The following MATR3 variants were observed in gnomAD, a reference collection of about 807,000 sequenced individuals.
MATR3 encodes the protein matrin 3, also known as matrin-3.
A neutral mutation model predicts 85.5 loss-of-function variants in MATR3; 4 were observed. The ratio of observed to expected loss-of-function variants is 0.05; its 90% CI spans 0.02 to 0.11. The LOEUF (loss-of-function observed/expected upper bound fraction) is 0.11. MATR3 is among the 10% of genes least tolerant of loss of function. The probability of loss-of-function intolerance (pLI) is 1.00; values close to 1 mark genes in which losing one functional copy is unlikely to be tolerated. For missense variants in MATR3, 685 were observed against 1,016.1 expected (o/e 0.67, Z 4.43); for synonymous variants, 336 against 343.1 (o/e 0.98, Z 0.23).
intron 1 of MATR3, chr5:139,294,965 C>G (rs911608485): frequency 7.2e-5 from 11 of 152,146 alleles, no homozygotes; most frequent in Non-Finnish European, 1.3e-4. Flanking sequence ...TTCGGGCGCG[C>G]TGGAATAATG....
chr5:139,306,259 A>G (rs186394478), intron 1 of MATR3, among the ~76,000 whole-genome samples: 5 of 152,348 alleles, frequency 3.3e-5, no homozygotes, highest in African/African-American at 1.2e-4. Context: ...AATTTCATCT[A>G]GAAACACGTC....
intron 3 of MATR3, among the ~76,000 whole-genome samples, chr5:139,282,115 C>T (rs140581552): frequency 8.5e-5 from 13 of 152,238 alleles, no homozygotes; most frequent in Admixed American, 3.9e-4. Context: ...AGGAAAACAC[C>T]GTGCTAAGAG....
intron 2 of MATR3, among the ~76,000 whole-genome samples, chr5:139,308,844 A>G (rs763005271): frequency 6.6e-6 from 1 of 152,130 alleles, no homozygotes. Flanking sequence ...ATTTTAGATT[A>G]GTTCATTCTT....
chr5:139,315,041 C>T (rs1755171069), intron 3 of MATR3: 1 of 293,306 alleles, frequency 3.4e-6, no homozygotes, highest in Admixed American at 4.5e-5. Flanking sequence ...GTGGATTAAA[C>T]AGTAGCATTT....
chr5:139,317,866 G>A (rs1027154117), intron 7 of MATR3, 145 bp downstream of exon 7: 5 of 720,440 alleles, frequency 6.9e-6, no homozygotes, highest in Non-Finnish European at 1.1e-5. Context: ...GAAAAGGCCA[G>A]TAGTTGATGA....
chr5:139,294,390 GTTTC>G (rs1359994000), intron 1 of MATR3: 1 of 202,464 alleles, frequency 4.9e-6, no homozygotes, highest in Non-Finnish European at 9.9e-6. Flanking sequence ...TTTGAGCAGC[GTTTC>G]TTTCTTTTCC....
upstream of MATR3, among the ~76,000 whole-genome samples, chr5:139,291,197 G>A (rs1753859798): frequency 6.6e-6 from 1 of 152,192 alleles, no homozygotes; most frequent in Admixed American, 6.5e-5. Flanking sequence ...TGATCCCTCT[G>A]CCTGGGGATG....
intron 9 of MATR3, 158 bp from the exon 10 acceptor site, chr5:139,321,740 G>A (rs940362761): frequency 1.3e-5 from 9 of 715,830 alleles, no homozygotes; most frequent in African/African-American, 7.2e-5. Context: ...CCAGGATTGC[G>A]CCACTGCATT....
In MATR3 at chr5:139,307,783, A is replaced by G. The variant is rs1754785235; in HGVS notation, c.368A>G (p.Asp123Gly). ...TTTGGTCTGTCTGCTAGAGACTTAG[A>G]TGAACTGAGTCGTTATCCAGAGGAC... ...ASFGLSARDL[D>G]ELSRYPEDKI... Residue 123 changes from aspartate (D) to glycine (G), a missense_variant, in exon 2 of 15, where the codon GAT becomes GGT. Asp to Gly is a moderately conservative substitution (Grantham distance 94). Around this residue, in one of 9 missense-constraint regions of MATR3, gnomAD observed 3 missense variants for 21.1 expected, o/e 0.14. Transcript: ENST00000394805. The surrounding 1 kb of genome is among the most constrained non-coding windows in gnomAD (Gnocchi z 4.4). 1.9e-6 allele frequency: 3 copies of G among 1,614,034 alleles called. No individual in the cohort carries two copies. Among genetic ancestry groups the G allele is most frequent in the African/African-American group, 2.7e-5 (2 of 74,918 alleles).
upstream of MATR3, among the ~76,000 whole-genome samples, chr5:139,291,100 A>G (rs901526950): frequency 2.0e-5 from 3 of 152,166 alleles, no homozygotes; most frequent in Non-Finnish European, 4.4e-5. Context: ...AGCCTGAGCA[A>G]CAGAGCAAGA....
At chr5:139,321,651 G>A (rs184403829) in intron 9 of MATR3, among the ~76,000 whole-genome samples, 1 of 152,112 alleles carries the variant, frequency 6.6e-6, no homozygotes, top group South Asian at 2.1e-4. Context: ...GGCATTGGTG[G>A]TGCATGCCTG....
rs146127792 is a variant in MATR3, at chr5:139,321,782, CAAAAAAG to C, written c.1603-109_1603-103del. 0.64 allele frequency: 735,688 copies of C among 1,146,952 alleles called. 247,421 individuals carry two copies. Among genetic ancestry groups the C allele is most frequent in the Non-Finnish European group, 0.7 (559,401 of 801,568 alleles). The allele number at this position is 1,146,952 out of a possible 1,614,324, so 71.0% of individuals were successfully genotyped here. A position where few individuals can be genotyped will look rare whatever the true frequency, so the allele number is the denominator to read the frequency against. The stretch of plus-strand genomic sequence containing the variant: ...TGGGTGACACAGTGAGACCCTGTCT[CAAAAAAG>C]AAAAAAAGTAATGAAAATTTTCTAA... On this transcript the variant is annotated intron_variant, in intron 9 of 14. Coordinates refer to ENST00000394805, the MANE Select transcript of MATR3 (RefSeq NM_018834.6).
intron 3 of MATR3, among the ~76,000 whole-genome samples, chr5:139,281,352 T>G (rs926949394): frequency 1.4e-5 from 2 of 147,916 alleles, no homozygotes; most frequent in South Asian, 2.2e-4. Flanking sequence ...TAGTTTTTTT[T>G]TTTGTTTTTT....
chr5:139,300,007 G>A (rs1275115905), intron 1 of MATR3: 1 of 152,026 alleles, frequency 6.6e-6, no homozygotes, highest in Non-Finnish European at 1.5e-5. Flanking sequence ...GAAGAAGGAA[G>A]ATGTTTAATT....
intron 1 of MATR3, among the ~76,000 whole-genome samples, chr5:139,305,125 A>G (rs986498208): frequency 6.6e-6 from 1 of 152,202 alleles, no homozygotes; most frequent in African/African-American, 2.4e-5. Context: ...TCTTAAAACT[A>G]CTAAGGTGGT....
At position 139,308,104 on chromosome 5, in the gene MATR3, G is replaced by T. The variant is rs200871699; in HGVS notation, c.689G>T (p.Cys230Phe). 1.9e-6 allele frequency: 3 copies of T among 1,614,018 alleles called. No homozygotes were observed. The African/African-American group carries it at 4.0e-5, about 22-fold the overall frequency. ...GACAGATTAAGAGATGGAGAAAGGT[G>T]TAGGGATGATTCTTTTTTTGGTGAG... ...EDDRLRDGER[C>F]RDDSFFGETS... Residue 230 changes from cysteine (C) to phenylalanine (F), a missense_variant, in exon 2 of 15, where the codon TGT (cysteine) becomes TTT (phenylalanine). Transcript: ENST00000394805.
At chr5:139,326,816 C>T (rs963271178) in intron 14 of MATR3, among the ~76,000 whole-genome samples, 4 of 152,208 alleles carry the variant, frequency 2.6e-5, no homozygotes, top group Non-Finnish European at 5.9e-5. Context: ...GTTTTCTAAC[C>T]ATATTATAAA....
At chr5:139,316,312 C>A in intron 5 of MATR3, 124 bp downstream of exon 5, 1 of 712,396 alleles carries the variant, frequency 1.4e-6, no homozygotes, top group Non-Finnish European at 2.5e-6. Context: ...ATGGCACGAT[C>A]TCGACTCACT....
At chr5:139,300,615 C>CAAAA (rs1754389784) in intron 1 of MATR3, among the ~76,000 whole-genome samples, 1 of 152,124 alleles carries the variant, frequency 6.6e-6, no homozygotes, top group Non-Finnish European at 1.5e-5. Context: ...ATGATTACTA[C>CAAAA]GGTGCTGTGT....
Sources: allele counts gnomAD v4.1 joint callset (sites outside exome capture counted in the v4.1 genomes callset), GRCh38; gene constraint gnomAD v4.1.1; regional missense constraint gnomAD v4.1.1; non-coding constraint Gnocchi (gnomAD v3.1); transcripts MANE v1.5; gene names NCBI Gene and HGNC (gene_info 2026-07-23, HGNC 2026-07-21).